Variants in EPHB1 observed in about 807,000 individuals in gnomAD.
EPHB1 encodes the protein EPH receptor B1, also known as ephrin type-B receptor 1.
EPHB1 carries 30 observed loss-of-function variants against 94.4 expected under a neutral mutation model. That is an observed-to-expected ratio of 0.32 (90% confidence interval 0.24 to 0.43). EPHB1 has a LOEUF of 0.43. Among genes scored for constraint, EPHB1 ranks in the 20% least tolerant of loss-of-function variants. EPHB1 has a pLI of 1.00. For missense variants in EPHB1, 1,055 were observed against 1,308.3 expected, an observed-to-expected ratio of 0.81 and a Z score of 2.99; for synonymous variants, 522 against 489.1, an observed-to-expected ratio of 1.07 and a Z score of -0.89.
chr3:134,899,650 T>TTTG (rs111779859), intron 1 of EPHB1, among the ~76,000 whole-genome samples: 1,797 of 152,108 alleles, frequency 0.012, 36 homozygotes, highest in African/African-American at 0.038. Context: ...AAGCTTCTGT[T>TTTG]TTTGTTTGTT....
At chr3:135,025,224 A>ATTTAT (rs1559799438) in intron 3 of EPHB1, among the ~76,000 whole-genome samples, 2 of 70,972 alleles carry the variant, frequency 2.8e-5, no homozygotes, top group Non-Finnish European at 6.6e-5. Context: ...TTTATTTATT[A>ATTTAT]TTATACTTTA....
At chr3:135,086,662 C>T (rs186527895) in intron 3 of EPHB1, among the ~76,000 whole-genome samples, 2 of 152,200 alleles carry the variant, frequency 1.3e-5, no homozygotes, top group East Asian at 3.9e-4. Context: ...CCAGGACCCT[C>T]ACTCTCCAAA....
intron 1 of EPHB1, among the ~76,000 whole-genome samples, chr3:134,830,232 C>T (rs2036557574): frequency 6.6e-6 from 1 of 152,174 alleles, no homozygotes; most frequent in Non-Finnish European, 1.5e-5. Context: ...CCATTTACTC[C>T]TAATTACTTC....
At chr3:134,961,411 G>A (rs1933513944) in intron 3 of EPHB1, among the ~76,000 whole-genome samples, 1 of 152,204 alleles carries the variant, frequency 6.6e-6, no homozygotes, top group South Asian at 2.1e-4. Flanking sequence ...TCCGAAGGAA[G>A]CCTGGTTAAT....
At chr3:134,977,989 C>G (rs1020872913) in intron 3 of EPHB1, 1 of 456,034 alleles carries the variant, frequency 2.2e-6, no homozygotes. Flanking sequence ...TTGGAGGATC[C>G]TTAGACAGCA....
intron 3 of EPHB1, among the ~76,000 whole-genome samples, chr3:134,990,196 A>G (rs1167614234): frequency 6.6e-6 from 1 of 152,224 alleles, no homozygotes; most frequent in African/African-American, 2.4e-5. Context: ...ACCTCAGCCT[A>G]TGAATATAGC....
At chr3:135,071,967 C>G (rs1361255741) in intron 3 of EPHB1, among the ~76,000 whole-genome samples, 1 of 152,206 alleles carries the variant, frequency 6.6e-6, no homozygotes, top group Middle Eastern at 3.2e-3. Flanking sequence ...CAGCCCTGCC[C>G]CCAGTCCCCC....
chr3:134,862,377 C>G (rs568739998), intron 1 of EPHB1, among the ~76,000 whole-genome samples: 1 of 151,908 alleles, frequency 6.6e-6, no homozygotes, highest in East Asian at 1.9e-4. Context: ...TCATGGAGCC[C>G]TAAAACAGAC....
At chr3:134,884,187 C>G (rs1216974940) in intron 1 of EPHB1, among the ~76,000 whole-genome samples, 3 of 152,192 alleles carry the variant, frequency 2.0e-5, no homozygotes, top group Non-Finnish European at 2.9e-5. Flanking sequence ...GTGTGAGTCA[C>G]CACTGGCTGA....
intron 1 of EPHB1, among the ~76,000 whole-genome samples, chr3:134,828,046 T>C (rs2036517062): frequency 6.6e-6 from 1 of 152,210 alleles, no homozygotes; most frequent in South Asian, 2.1e-4. Flanking sequence ...CAAACTTTCC[T>C]GAACTGAGGA....
intron 3 of EPHB1, among the ~76,000 whole-genome samples, chr3:135,100,722 A>G (rs181827136): frequency 1.3e-5 from 2 of 152,282 alleles, no homozygotes; most frequent in Admixed American, 1.3e-4. Flanking sequence ...GGTAAGCAGA[A>G]GGTCATTTGT....
chr3:134,910,668 T>C (rs2038433657), intron 1 of EPHB1, among the ~76,000 whole-genome samples: 1 of 152,214 alleles, frequency 6.6e-6, no homozygotes. Context: ...GGTTCATTCC[T>C]GCAGTTGGGA....
chr3:134,837,186 A>T (rs1220675001), intron 1 of EPHB1, among the ~76,000 whole-genome samples: 1 of 152,238 alleles, frequency 6.6e-6, no homozygotes, highest in East Asian at 1.9e-4. Context: ...CATCAGGTGC[A>T]TATTGGGACC....
intron 3 of EPHB1, among the ~76,000 whole-genome samples, chr3:134,959,959 T>A (rs1275336988): frequency 7.7e-6 from 1 of 129,538 alleles, no homozygotes; most frequent in Non-Finnish European, 1.6e-5. Context: ...AGCACAAACA[T>A]CTGCACCTTT....
chr3:134,910,219 A>G (rs919590791), intron 1 of EPHB1, among the ~76,000 whole-genome samples: 4 of 152,134 alleles, frequency 2.6e-5, no homozygotes, highest in East Asian at 1.9e-4. Flanking sequence ...GGGAGGTTTG[A>G]GGCCCAGGAC....
At chr3:134,922,326 G>T (rs1301809006) in intron 1 of EPHB1, among the ~76,000 whole-genome samples, 1 of 152,172 alleles carries the variant, frequency 6.6e-6, no homozygotes, top group Non-Finnish European at 1.5e-5. Context: ...CCATCATCAG[G>T]AGCTCTCTGT....
intron 1 of EPHB1, among the ~76,000 whole-genome samples, chr3:134,810,282 T>TGTGTGTGTGTGC: frequency 7.0e-6 from 1 of 142,942 alleles, no homozygotes; most frequent in South Asian, 2.1e-4. Context: ...GAGGAGTGTG[T>TGTGTGTGTGTGC]GTGTGTGTGT....
At chr3:134,896,802 C>T (rs2038094364) in intron 1 of EPHB1, among the ~76,000 whole-genome samples, 1 of 152,338 alleles carries the variant, frequency 6.6e-6, no homozygotes, top group Middle Eastern at 3.4e-3. Flanking sequence ...AATCTGTATG[C>T]CGACTGCGGC....
At chr3:135,208,534 A>G (rs1942960404) in intron 12 of EPHB1, among the ~76,000 whole-genome samples, 1 of 152,196 alleles carries the variant, frequency 6.6e-6, no homozygotes, top group Non-Finnish European at 1.5e-5. Flanking sequence ...TAGATGTTCT[A>G]AACAAGGGAG....
Sources: allele counts gnomAD v4.1 joint callset (sites outside exome capture counted in the v4.1 genomes callset), GRCh38; gene constraint gnomAD v4.1.1; transcripts MANE v1.5; gene names NCBI Gene and HGNC (gene_info 2026-07-23, HGNC 2026-07-21).